Variants in VAV1 observed in about 807,000 individuals in gnomAD.
The protein encoded by VAV1 is vav guanine nucleotide exchange factor 1.
VAV1 carries 33 observed loss-of-function variants against 128.1 expected under a neutral mutation model. That is an observed-to-expected ratio of 0.26 (90% CI 0.20 to 0.34). The LOEUF is 0.34. Ranked by LOEUF, VAV1 falls within the 10% of genes least tolerant of loss-of-function variation. The probability of loss-of-function intolerance (pLI) is 1.00; values close to 1 mark genes in which losing one functional copy is unlikely to be tolerated. For missense variants in VAV1, 715 were observed against 1,093.7 expected (o/e 0.65, Z 4.88); for synonymous variants, 394 against 409.8 (o/e 0.96, Z 0.47).
At chr19:6,850,861 C>G in intron 24 of VAV1, 104 bp downstream of exon 24, 1 of 1,080,438 alleles carries the variant, frequency 9.3e-7, no homozygotes, top group Non-Finnish European at 1.4e-6. Flanking sequence ...GGTGACCCCC[C>G]TCCAGTGGCA....
At chr19:6,852,929 G>C (rs372082481) in intron 24 of VAV1, 36 bp from the exon 25 acceptor site, 22 of 1,574,442 alleles carry the variant, frequency 1.4e-5, no homozygotes, top group Non-Finnish European at 1.8e-5. Flanking sequence ...GGGCTGGCCC[G>C]CTGGGATAGC....
At chr19:6,844,210 T>A (rs2144815352) in intron 22 of VAV1, among the ~76,000 whole-genome samples, 1 of 151,384 alleles carries the variant, frequency 6.6e-6, no homozygotes, top group Admixed American at 6.6e-5. Context: ...GTTTATCATC[T>A]CTGGCTAGTA....
chr19:6,844,063 CTTTTTTTTTTTTT>C (rs71177123), intron 22 of VAV1, among the ~76,000 whole-genome samples: 266 of 21,228 alleles, frequency 0.013, 1 homozygote, highest in Middle Eastern at 0.028. Flanking sequence ...TCTTCTTCTT[CTTTTTTTTTTTTT>C]TTTTTTTTTT....
intron 1 of VAV1, among the ~76,000 whole-genome samples, chr19:6,780,219 CCT>C (rs1323135939): frequency 2.7e-5 from 4 of 150,148 alleles, no homozygotes; most frequent in East Asian, 3.9e-4. Flanking sequence ...CATTAGTAAA[CCT>C]CTCTGTTTCC....
At chr19:6,805,528 G>A (rs1026331848) in intron 1 of VAV1, among the ~76,000 whole-genome samples, 6 of 150,120 alleles carry the variant, frequency 4.0e-5, no homozygotes, top group African/African-American at 1.5e-4. Context: ...GATCACTTGA[G>A]CCCAGGGGTT....
At position 6,814,663 on chromosome 19, in the gene VAV1, C is replaced by CTTT. The variant is rs1568299110; in HGVS notation, c.205-6039_205-6038insTTT. 7.9e-3 allele frequency among the ~76,000 whole-genome samples: 209 copies of CTTT among 26,434 alleles called. 1 individual carries two copies. The highest frequency in any genetic ancestry group is 0.01 in the African/African-American group (40 of 3,894). 17.3% of individuals were successfully genotyped at this position (26,434 alleles called of 152,430 possible). ...TCCTTCCTTCCTTCCTTCCTTCCTT[C>CTTT]CTTCCTTCCTTTCTTTCTTTCTTTC... On this transcript the variant is annotated intron_variant, in intron 1 of 26. Transcript: ENST00000602142.
Position 6,815,993 on chromosome 19 carries a change from T to G in VAV1, c.205-4709T>G, listed in dbSNP as rs145675188. On this transcript the variant is annotated intron_variant, in intron 1 of 26. Coordinates refer to ENST00000602142, the MANE Select transcript of VAV1 (RefSeq NM_005428.4). ...TGCTTGAGGACCAGCCTCGGCAACA[T>G]AATGAAACTCTCTGTCTCTACAAAT... Among the ~76,000 whole-genome samples, 187 of 151,178 alleles carry G rather than the reference T, an allele frequency of 1.2e-3. 1 individual carries two copies. The highest frequency in any genetic ancestry group is 4.1e-3 in the African/African-American group (167 of 41,078).
At position 6,843,275 on chromosome 19, in the gene VAV1, T is replaced by C. The variant is rs115512053; in HGVS notation, c.2012+109T>C. ...AATTAGTTATGCATTCTGTGATCCC[T>C]GAGCACCGACTTCTGAATCTAGCTC... On this transcript the variant is annotated intron_variant, in intron 22 of 26. Coordinates refer to ENST00000602142, the MANE Select transcript of VAV1 (RefSeq NM_005428.4). 2,857 of 1,267,032 alleles carry C rather than the reference T, an allele frequency of 2.3e-3. 55 individuals carry two copies. The African/African-American group carries it at 0.037, about 16-fold the overall frequency. 78.5% of individuals were successfully genotyped at this position (1,267,032 alleles called of 1,614,324 possible). A position where few individuals can be genotyped will look rare whatever the true frequency, so the allele number is the denominator to read the frequency against.
At chr19:6,807,088 A>G (rs775929084) in intron 1 of VAV1, among the ~76,000 whole-genome samples, 2 of 152,116 alleles carry the variant, frequency 1.3e-5, no homozygotes, top group Non-Finnish European at 2.9e-5. Flanking sequence ...GCAGTCTCCA[A>G]CCTTTTTGGT....
intron 1 of VAV1, among the ~76,000 whole-genome samples, chr19:6,773,823 G>A (rs910258339): frequency 2.6e-5 from 4 of 152,130 alleles, no homozygotes; most frequent in Non-Finnish European, 5.9e-5. Context: ...TTATGTTGCT[G>A]TAGCATCATG....
At chr19:6,844,060 C>CTTTTTTTTTTTTTTTTTT (rs1972449326) in intron 22 of VAV1, among the ~76,000 whole-genome samples, 3 of 18,798 alleles carry the variant, frequency 1.6e-4, no homozygotes, top group African/African-American at 3.6e-4. Flanking sequence ...TCTTCTTCTT[C>CTTTTTTTTTTTTTTTTTT]TTCTTTTTTT....
chr19:6,843,450 C>T (rs754215510), intron 22 of VAV1, among the ~76,000 whole-genome samples: 2 of 152,134 alleles, frequency 1.3e-5, no homozygotes, highest in Non-Finnish European at 2.9e-5. Context: ...ATGGTAATGA[C>T]AGTTCCAGTT....
rs112739099 is a variant in VAV1 at position 6,807,965 on chromosome 19, G to A, written c.205-12737G>A. Among the ~76,000 whole-genome samples, 56 of 146,804 alleles carry A rather than the reference G, an allele frequency of 3.8e-4. 1 individual carries two copies. Among genetic ancestry groups the A allele is most frequent in the African/African-American group, 1.4e-3 (55 of 39,324 alleles). ...AGATTCTGCCACTGCACTCCATCCT[G>A]GGTGACAGAGTGAGACTCTGTCTCA... On this transcript the variant is annotated intron_variant, in intron 1 of 26. Transcript: ENST00000602142.
chr19:6,812,376 C>A (rs1033089468), intron 1 of VAV1, among the ~76,000 whole-genome samples: 10 of 152,024 alleles, frequency 6.6e-5, no homozygotes, highest in African/African-American at 1.4e-4. Flanking sequence ...AAAAATTGAC[C>A]GGGTGCAGTG....
chr19:6,791,872 G>A (rs1019381494), intron 1 of VAV1, among the ~76,000 whole-genome samples: 15 of 152,258 alleles, frequency 9.9e-5, no homozygotes, highest in Admixed American at 8.5e-4. Flanking sequence ...CAAAGACTGT[G>A]CAAATGCCCT....
intron 23 of VAV1, among the ~76,000 whole-genome samples, chr19:6,850,235 T>G (rs907729819): frequency 3.8e-5 from 5 of 133,138 alleles, no homozygotes; most frequent in Non-Finnish European, 7.9e-5. Flanking sequence ...GTTTTTTTTT[T>G]TTTTTTTTTT....
At chr19:6,848,928 G>A (rs1008722210) in intron 23 of VAV1, among the ~76,000 whole-genome samples, 2 of 151,406 alleles carry the variant, frequency 1.3e-5, no homozygotes, top group African/African-American at 4.9e-5. Flanking sequence ...CCAGTGGCTG[G>A]GACTATAGGT....
chr19:6,825,504 A>G, intron 8 of VAV1, 98 bp downstream of exon 8: 2 of 1,067,942 alleles, frequency 1.9e-6, no homozygotes, highest in South Asian at 1.4e-5. Context: ...CTGGACGGGG[A>G]GGACTTTTTG....
In VAV1 at chr19:6,828,304, C is replaced by T; in HGVS notation, c.1024-115C>T. On this transcript the variant is annotated intron_variant, in intron 10 of 26. Coordinates refer to ENST00000602142, the MANE Select transcript of VAV1 (RefSeq NM_005428.4). This position sits in a 1 kb window ranked among gnomAD's most constrained non-coding sequence, Gnocchi z 4.5. The stretch of plus-strand genomic sequence containing the variant: ...ATGGGTCACTGGGGTCATGTCTCAG[C>T]CTCCAGGGTCAGCAGTACGATGGAG... The T allele has an allele frequency of 3.3e-6, 5 of 1,521,250 alleles. No individual in the cohort carries two copies. Among genetic ancestry groups the T allele is most frequent in the South Asian group, 1.2e-5 (1 of 86,440 alleles). 94.2% of individuals were successfully genotyped at this position (1,521,250 alleles called of 1,614,324 possible).
Sources: allele counts gnomAD v4.1 joint callset (sites outside exome capture counted in the v4.1 genomes callset), GRCh38; gene constraint gnomAD v4.1.1; non-coding constraint Gnocchi (gnomAD v3.1); transcripts MANE v1.5; gene names NCBI Gene and HGNC (gene_info 2026-07-23, HGNC 2026-07-21).